SLC39A11: variants seen among roughly 807,000 people sequenced by gnomAD.
SLC39A11 encodes solute carrier family 39 member 11.
Under a neutral mutation model 36.1 loss-of-function variants are expected in SLC39A11, and 33 were observed. That is an observed-to-expected ratio of 0.91 (90% CI 0.69 to 1.22). The LOEUF (loss-of-function observed/expected upper bound fraction) is 1.22. Ranked by LOEUF, SLC39A11 falls within the 50% of genes most tolerant of loss-of-function variation. SLC39A11 has a pLI of 0.00. For missense variants in SLC39A11, 432 were observed against 430.3 expected (o/e 1.00, Z -0.03); for synonymous variants, 166 against 170.3 (o/e 0.97, Z 0.20).
intron 4 of SLC39A11, among the ~76,000 whole-genome samples, chr17:72,989,617 T>C (rs548539905): frequency 6.6e-6 from 1 of 152,240 alleles, no homozygotes; most frequent in Non-Finnish European, 1.5e-5. Flanking sequence ...TCATTTATAA[T>C]GACAATTCTG....
At chr17:72,658,189 A>G (rs977027337) in intron 7 of SLC39A11, among the ~76,000 whole-genome samples, 2 of 150,972 alleles carry the variant, frequency 1.3e-5, no homozygotes, top group African/African-American at 4.9e-5. Flanking sequence ...GGCTGGGCCC[A>G]CAAGGGGTGC....
chr17:72,796,033 T>A (rs1264261196), intron 6 of SLC39A11, among the ~76,000 whole-genome samples: 1 of 152,110 alleles, frequency 6.6e-6, no homozygotes, highest in East Asian at 1.9e-4. Flanking sequence ...AGAATTTTTA[T>A]ACAGTGCAAT....
chr17:72,802,576 G>A (rs555891372), intron 6 of SLC39A11, among the ~76,000 whole-genome samples: 1 of 141,098 alleles, frequency 7.1e-6, no homozygotes, highest in East Asian at 2.0e-4. Context: ...GACCACAAGA[G>A]TGAAACTCCA....
intron 6 of SLC39A11, among the ~76,000 whole-genome samples, chr17:72,762,423 C>T (rs983972644): frequency 2.6e-5 from 4 of 152,108 alleles, no homozygotes; most frequent in African/African-American, 9.7e-5. Context: ...GGAAGTTACC[C>T]TATATGGTCT....
intron 6 of SLC39A11, among the ~76,000 whole-genome samples, chr17:72,808,886 C>T (rs1395219293): frequency 6.6e-6 from 1 of 152,076 alleles, no homozygotes; most frequent in African/African-American, 2.4e-5. Flanking sequence ...AAGCCCCCTG[C>T]CCAACAAATT....
intron 3 of SLC39A11, among the ~76,000 whole-genome samples, chr17:73,079,717 C>T (rs1406963938): frequency 1.3e-5 from 2 of 152,040 alleles, no homozygotes; most frequent in East Asian, 1.9e-4. Context: ...CGCTGTTTGC[C>T]GACGATATGA....
At chr17:72,789,500 C>A (rs553173469) in intron 6 of SLC39A11, among the ~76,000 whole-genome samples, 18 of 152,194 alleles carry the variant, frequency 1.2e-4, no homozygotes, top group African/African-American at 4.1e-4. Context: ...GGTAAACTGT[C>A]GCCCAGGTAA....
chr17:72,855,732 T>C (rs1022364957), intron 5 of SLC39A11, among the ~76,000 whole-genome samples: 12 of 109,180 alleles, frequency 1.1e-4, no homozygotes, highest in African/African-American at 3.6e-4. Flanking sequence ...CCGTCTCTAC[T>C]AAAAAATACA....
chr17:72,711,795 G>A (rs1351925407), intron 7 of SLC39A11, among the ~76,000 whole-genome samples: 1 of 152,082 alleles, frequency 6.6e-6, no homozygotes, highest in Non-Finnish European at 1.5e-5. Flanking sequence ...TAGCTCTGGG[G>A]GGAATTTTTC....
intron 4 of SLC39A11, among the ~76,000 whole-genome samples, chr17:73,018,948 GAA>G (rs1202221797): frequency 6.6e-6 from 1 of 152,028 alleles, no homozygotes; most frequent in Admixed American, 6.6e-5. Context: ...AGCAGCCATA[GAA>G]AAAGTCACAT....
At chr17:72,957,005 G>T (rs1404252657) in intron 4 of SLC39A11, among the ~76,000 whole-genome samples, 1 of 151,990 alleles carries the variant, frequency 6.6e-6, no homozygotes, top group Non-Finnish European at 1.5e-5. Context: ...GTCTAAGATG[G>T]CACATGCACC....
At chr17:72,669,899 CATATATAT>C in intron 7 of SLC39A11, among the ~76,000 whole-genome samples, 1 of 148,592 alleles carries the variant, frequency 6.7e-6, no homozygotes, top group East Asian at 2.0e-4. Context: ...TGTATATACA[CATATATAT>C]ACGTATAGAT....
rs997194586 is a variant in SLC39A11 at position 72,652,906 on chromosome 17, C to G, written c.672-3638G>C. ...TCTGTTTGGGTTGTACAGAAACTCCCGGGAGATGTGGATTCTTGCTTCTCC... is the reference window on the plus strand; with the variant it reads ...TCTGTTTGGGTTGTACAGAAACTCCGGGGAGATGTGGATTCTTGCTTCTCC... On this transcript the variant is annotated intron_variant, in intron 7 of 9. Transcript: ENST00000255559. Among the ~76,000 whole-genome samples the G allele has an allele frequency of 3.3e-5, 5 of 152,068 alleles. No homozygotes were observed. In the East Asian group the frequency reaches 9.7e-4, roughly 29 times the overall value.
chr17:72,943,616 C>A (rs1309363346), intron 5 of SLC39A11, among the ~76,000 whole-genome samples: 1 of 152,172 alleles, frequency 6.6e-6, no homozygotes, highest in African/African-American at 2.4e-5. Flanking sequence ...AGAAAATGCA[C>A]AGATGGCACC....
chr17:72,876,799 C>T (rs2080922453), intron 5 of SLC39A11, among the ~76,000 whole-genome samples: 1 of 152,220 alleles, frequency 6.6e-6, no homozygotes, highest in Non-Finnish European at 1.5e-5. Context: ...GACCTCCTAT[C>T]TCCTCAGCTG....
chr17:73,015,914 A>G (rs1010046835), intron 4 of SLC39A11, among the ~76,000 whole-genome samples: 1 of 152,122 alleles, frequency 6.6e-6, no homozygotes, highest in African/African-American at 2.4e-5. Context: ...GAAAAGAATG[A>G]GGAATGGCGG....
chr17:72,897,067 A>AAC (rs1235166639), intron 5 of SLC39A11, among the ~76,000 whole-genome samples: 72 of 150,450 alleles, frequency 4.8e-4, no homozygotes, highest in Non-Finnish European at 8.5e-4. Flanking sequence ...AAAAAAAAAA[A>AAC]AAAACAAACA....
At chr17:72,888,271 T>C (rs1474705741) in intron 5 of SLC39A11, among the ~76,000 whole-genome samples, 2 of 152,204 alleles carry the variant, frequency 1.3e-5, no homozygotes, top group African/African-American at 4.8e-5. Context: ...AGATGTAAAA[T>C]ATGCCTTCTA....
intron 6 of SLC39A11, among the ~76,000 whole-genome samples, chr17:72,812,541 G>T (rs868032965): frequency 3.4e-4 from 52 of 152,168 alleles, no homozygotes; most frequent in African/African-American, 1.2e-3. Context: ...TGATGAGCAA[G>T]GCAGAATGGA....
Sources: allele counts gnomAD v4.1 joint callset (sites outside exome capture counted in the v4.1 genomes callset), GRCh38; gene constraint gnomAD v4.1.1; transcripts MANE v1.5; gene names NCBI Gene and HGNC (gene_info 2026-07-23, HGNC 2026-07-21).